CNTN4: variants seen among roughly 807,000 people sequenced by gnomAD.
CNTN4 encodes contactin 4.
In CNTN4, 77 loss-of-function variants were observed where a neutral mutation model predicts 122.5. The observed-to-expected ratio is 0.63, with a 90% CI of 0.52 to 0.76. The LOEUF (loss-of-function observed/expected upper bound fraction) is 0.76. Among genes scored for constraint, CNTN4 ranks in the 30% least tolerant of loss-of-function variants. CNTN4 has a pLI of 0.00. For missense variants in CNTN4, 1,256 were observed against 1,259.1 expected, an observed-to-expected ratio of 1.00 and a Z score of 0.04; for synonymous variants, 512 against 447.0, an observed-to-expected ratio of 1.15 and a Z score of -1.83.
chr3:2,678,629 A>C (rs183997827), intron 4 of CNTN4, among the ~76,000 whole-genome samples: 1 of 152,146 alleles, frequency 6.6e-6, no homozygotes, highest in African/African-American at 2.4e-5. Context: ...TTTATTTCCT[A>C]TGCTGTATCT....
At chr3:2,448,611 G>A (rs2048712524) in intron 3 of CNTN4, among the ~76,000 whole-genome samples, 1 of 152,152 alleles carries the variant, frequency 6.6e-6, no homozygotes, top group Non-Finnish European at 1.5e-5. Context: ...TCCCTTTTCT[G>A]CATATTCCCA....
intron 14 of CNTN4, among the ~76,000 whole-genome samples, chr3:2,989,385 A>C (rs566423119): frequency 6.6e-6 from 1 of 152,234 alleles, no homozygotes; most frequent in African/African-American, 2.4e-5. Context: ...TTTCTGAGTA[A>C]TTTATACAGA....
At chr3:2,507,691 C>T (rs1219121897) in intron 3 of CNTN4, among the ~76,000 whole-genome samples, 2 of 147,170 alleles carry the variant, frequency 1.4e-5, no homozygotes, top group African/African-American at 5.0e-5. Context: ...GCCGAGATTG[C>T]ACCACTGCAC....
chr3:2,899,580 CTT>C (rs370611891), intron 10 of CNTN4, among the ~76,000 whole-genome samples: 8 of 152,200 alleles, frequency 5.3e-5, no homozygotes, highest in African/African-American at 1.9e-4. Flanking sequence ...TTTATGAAGA[CTT>C]TTTATGGAAC....
At chr3:2,887,299 A>G in intron 10 of CNTN4, 75 bp downstream of exon 10, 2 of 1,384,198 alleles carry the variant, frequency 1.4e-6, no homozygotes, top group Non-Finnish European at 1.0e-6. Context: ...GCTGAGAGGC[A>G]TTCAGGCATT....
chr3:2,978,997 A>G (rs1382052798), intron 13 of CNTN4, among the ~76,000 whole-genome samples: 1 of 152,238 alleles, frequency 6.6e-6, no homozygotes, highest in East Asian at 1.9e-4. Flanking sequence ...TGCCTTAAGT[A>G]TACCACTTCA....
chr3:2,143,564 C>G (rs1252975439), intron 2 of CNTN4, among the ~76,000 whole-genome samples: 2 of 152,162 alleles, frequency 1.3e-5, no homozygotes, highest in Non-Finnish European at 2.9e-5. Flanking sequence ...GAGCCTAGAT[C>G]ATCAATGTCT....
intron 4 of CNTN4, among the ~76,000 whole-genome samples, chr3:2,601,566 T>C (rs2081049436): frequency 6.6e-6 from 1 of 152,156 alleles, no homozygotes. Flanking sequence ...TTGGTCTATA[T>C]CTCTGTTTTG....
chr3:2,895,835 C>T (rs570372809), intron 10 of CNTN4, among the ~76,000 whole-genome samples: 1 of 152,122 alleles, frequency 6.6e-6, no homozygotes, highest in African/African-American at 2.4e-5. Context: ...GAGATCGAGA[C>T]CATCCTGGCT....
intron 3 of CNTN4, among the ~76,000 whole-genome samples, chr3:2,537,626 T>C (rs2077863373): frequency 6.6e-6 from 1 of 152,122 alleles, no homozygotes; most frequent in African/African-American, 2.4e-5. Context: ...TGACATTTCA[T>C]GACCCAGGAT....
chr3:2,359,987 A>G (rs895451721), intron 3 of CNTN4, among the ~76,000 whole-genome samples: 2 of 152,216 alleles, frequency 1.3e-5, no homozygotes, highest in African/African-American at 4.8e-5. Flanking sequence ...AAACCAGATG[A>G]ACAGATTATT....
chr3:2,990,746 A>G (rs947186396), intron 14 of CNTN4, among the ~76,000 whole-genome samples: 4 of 152,242 alleles, frequency 2.6e-5, no homozygotes, highest in East Asian at 1.9e-4. Context: ...GTGGTTATAA[A>G]TATTGCTAAG....
intron 4 of CNTN4, among the ~76,000 whole-genome samples, chr3:2,609,671 A>G (rs1417883528): frequency 1.3e-5 from 2 of 152,320 alleles, no homozygotes; most frequent in Admixed American, 6.5e-5. Context: ...TTGAACTTCT[A>G]TAAAGAAAAT....
At chr3:2,281,551 A>G (rs984782463) in intron 2 of CNTN4, among the ~76,000 whole-genome samples, 1 of 152,042 alleles carries the variant, frequency 6.6e-6, no homozygotes, top group African/African-American at 2.4e-5. Flanking sequence ...GAATACAGCA[A>G]TTTCAGAGGC....
At chr3:2,537,995 C>A (rs1386440166) in intron 3 of CNTN4, among the ~76,000 whole-genome samples, 1 of 151,780 alleles carries the variant, frequency 6.6e-6, no homozygotes, top group African/African-American at 2.4e-5. Context: ...GGCATAACCC[C>A]CCTGTACACC....
chr3:2,588,398 G>A (rs1294082880), intron 4 of CNTN4, among the ~76,000 whole-genome samples: 7 of 152,014 alleles, frequency 4.6e-5, no homozygotes, highest in Non-Finnish European at 7.4e-5. Context: ...ACAGAGCCTC[G>A]CACTATTGTC....
chr3:2,932,755 GA>G (rs947096457), intron 13 of CNTN4, among the ~76,000 whole-genome samples: 1 of 151,198 alleles, frequency 6.6e-6, no homozygotes, highest in Non-Finnish European at 1.5e-5. Flanking sequence ...AAGCAAGAGA[GA>G]AAAAAAAGGA....
At chr3:2,439,050 G>A (rs1575631917) in intron 3 of CNTN4, among the ~76,000 whole-genome samples, 1 of 152,144 alleles carries the variant, frequency 6.6e-6, no homozygotes, top group Admixed American at 6.5e-5. Context: ...TAGAATCATG[G>A]GAAATGTTTG....
At chr3:2,873,375 A>G (rs750277241) in intron 8 of CNTN4, among the ~76,000 whole-genome samples, 2 of 152,198 alleles carry the variant, frequency 1.3e-5, no homozygotes, top group Non-Finnish European at 2.9e-5. Flanking sequence ...ATCAATGCTG[A>G]CAGCTGATCC....
Sources: allele counts gnomAD v4.1 joint callset (sites outside exome capture counted in the v4.1 genomes callset), GRCh38; gene constraint gnomAD v4.1.1; transcripts MANE v1.5; gene names NCBI Gene and HGNC (gene_info 2026-07-23, HGNC 2026-07-21).